Variants in KYNU observed in about 807,000 individuals in gnomAD.
KYNU encodes L-kynurenine hydrolase.
Under a neutral mutation model 59.2 loss-of-function variants are expected in KYNU, and 54 were observed. The ratio of observed to expected loss-of-function variants is 0.91; its 90% confidence interval spans 0.73 to 1.14. The LOEUF is 1.14. Among genes scored for constraint, KYNU ranks in the 50% most tolerant of loss-of-function variants. The pLI is 0.00. For missense variants in KYNU, 567 were observed against 554.4 expected (o/e 1.02, Z -0.23); for synonymous variants, 177 against 192.0 (o/e 0.92, Z 0.65).
chr2:142,925,302 T>G (rs1683014772), intron 3 of KYNU, among the ~76,000 whole-genome samples: 1 of 152,176 alleles, frequency 6.6e-6, no homozygotes, highest in Non-Finnish European at 1.5e-5. Context: ...TAATAATAAC[T>G]AACAATTGCC....
intron 10 of KYNU, among the ~76,000 whole-genome samples, chr2:143,013,621 C>A (rs567633589): frequency 6.6e-6 from 1 of 152,186 alleles, no homozygotes; most frequent in Non-Finnish European, 1.5e-5. Flanking sequence ...GAATTTAATT[C>A]TATCCTGAAC....
At chr2:143,001,052 A>T (rs1685698096) in intron 10 of KYNU, among the ~76,000 whole-genome samples, 1 of 152,178 alleles carries the variant, frequency 6.6e-6, no homozygotes, top group South Asian at 2.1e-4. Context: ...AGTACTGACT[A>T]TGAAAATATC....
intron 4 of KYNU, among the ~76,000 whole-genome samples, chr2:142,940,416 G>A (rs1413445094): frequency 6.6e-6 from 1 of 152,122 alleles, no homozygotes; most frequent in African/African-American, 2.4e-5. Flanking sequence ...ATTTATTTAT[G>A]AAGCCAATAA....
chr2:142,903,386 A>G (rs1028563099), intron 2 of KYNU, among the ~76,000 whole-genome samples: 4 of 152,074 alleles, frequency 2.6e-5, no homozygotes, highest in African/African-American at 9.7e-5. Context: ...CAGGTGTATA[A>G]TGGTCCCTGC....
In KYNU at chr2:142,956,244, TC is replaced by T; in HGVS notation, c.478del (p.Leu160Ter). The part of the protein sequence containing the change: ...KPTPKRYKIL[L>X]EAKAFPSDHY... ...CTACGCCAAAACGATATAAAATTCT[TC>T]TAGAAGCCAAAGCCTTCCCTTCTGA... On this transcript the variant is annotated frameshift_variant, in exon 6 of 14. Transcript: ENST00000264170. LOFTEE classifies it high-confidence loss of function. 2.6e-5 allele frequency: 41 copies of T among 1,604,746 alleles called. No homozygotes were observed. The highest frequency in any genetic ancestry group is 3.5e-5 in the Non-Finnish European group (41 of 1,172,154).
At chr2:142,980,995 T>C (rs1415308399) in intron 8 of KYNU, among the ~76,000 whole-genome samples, 2 of 152,118 alleles carry the variant, frequency 1.3e-5, no homozygotes, top group Non-Finnish European at 2.9e-5. Context: ...AGTGACACTT[T>C]TGTGAAATCA....
Position 142,986,168 on chromosome 2 carries a change from A to G in KYNU, c.902+147A>G, listed in dbSNP as rs1573872327. The G allele has an allele frequency of 1.3e-5, 8 of 632,274 alleles. No individual in the cohort carries two copies. In the South Asian group the frequency reaches 1.5e-4, roughly 12 times the overall value. The allele number at this position is 632,274 out of a possible 1,614,324, so 39.2% of individuals were successfully genotyped here. On this transcript the variant is annotated intron_variant, in intron 10 of 13. Transcript: ENST00000264170. The stretch of plus-strand genomic sequence containing the variant: ...ATTTTCCTACTCTGCTAACAACAAT[A>G]TACTTCATTTGAAATACATGCTTTC...
intron 2 of KYNU, among the ~76,000 whole-genome samples, chr2:142,887,243 A>C (rs12999277): frequency 4.6e-5 from 7 of 152,112 alleles, no homozygotes; most frequent in African/African-American, 1.7e-4. Context: ...CATCAAAACC[A>C]CAGTGAGATA....
chr2:143,005,058 T>C (rs1288192932), intron 10 of KYNU, among the ~76,000 whole-genome samples: 1 of 152,182 alleles, frequency 6.6e-6, no homozygotes, highest in Admixed American at 6.5e-5. Context: ...TCCTGATAAG[T>C]AGGTCATCCA....
chr2:142,938,399 GGAA>G (rs1683466254), intron 4 of KYNU, among the ~76,000 whole-genome samples: 1 of 152,222 alleles, frequency 6.6e-6, no homozygotes, highest in Admixed American at 6.5e-5. Context: ...GCCACGTGGT[GGAA>G]GAAGATTTAT....
chr2:143,004,067 T>G lies in KYNU; in HGVS notation c.902+18046T>G, dbSNP rs576210929. 5.3e-5 allele frequency among the ~76,000 whole-genome samples: 8 copies of G among 152,366 alleles called. No homozygotes were observed. In the South Asian group the frequency reaches 1.7e-3, roughly 32 times the overall value. ...CAGATTACTTAATATGCCTATCATT[T>G]TGACTAATTCATGAAAATGTAACAA... On this transcript the variant is annotated intron_variant, in intron 10 of 13. Transcript: ENST00000264170.
chr2:143,021,114 G>T (rs920854577), intron 10 of KYNU, among the ~76,000 whole-genome samples: 4 of 151,754 alleles, frequency 2.6e-5, no homozygotes, highest in Non-Finnish European at 5.9e-5. Context: ...GTATCCTTTG[G>T]CCATTTTTCT....
chr2:142,920,672 A>T (rs961408150), intron 3 of KYNU, among the ~76,000 whole-genome samples: 1 of 152,224 alleles, frequency 6.6e-6, no homozygotes, highest in Non-Finnish European at 1.5e-5. Flanking sequence ...TAGACAGATG[A>T]TTCAGAAAGG....
At chr2:142,955,139 C>T (rs1684120495) in intron 5 of KYNU, among the ~76,000 whole-genome samples, 1 of 151,944 alleles carries the variant, frequency 6.6e-6, no homozygotes, top group Non-Finnish European at 1.5e-5. Flanking sequence ...AATAGGCAAA[C>T]TACATGCAAG....
intron 8 of KYNU, among the ~76,000 whole-genome samples, chr2:142,978,150 T>G (rs1056511934): frequency 1.3e-5 from 2 of 152,164 alleles, no homozygotes; most frequent in African/African-American, 2.4e-5. Context: ...AATTCCAATA[T>G]CAGAGTTAAC....
intron 10 of KYNU, among the ~76,000 whole-genome samples, chr2:143,006,275 G>A (rs1260592052): frequency 2.0e-5 from 3 of 151,700 alleles, no homozygotes; most frequent in Non-Finnish European, 4.4e-5. Flanking sequence ...TTCCCTTTCC[G>A]AGTCAAAGAA....
chr2:142,987,713 A>G (rs1257215693), intron 10 of KYNU, among the ~76,000 whole-genome samples: 1 of 151,892 alleles, frequency 6.6e-6, no homozygotes, highest in African/African-American at 2.4e-5. Flanking sequence ...TATGTAAAAC[A>G]CTAAGTGTAT....
intron 10 of KYNU, among the ~76,000 whole-genome samples, chr2:143,016,581 C>T (rs1053005227): frequency 1.3e-5 from 2 of 152,118 alleles, no homozygotes. Flanking sequence ...TCCCAGTTTA[C>T]CCCCACTGAT....
chr2:142,996,660 G>T (rs1685554817), intron 10 of KYNU, among the ~76,000 whole-genome samples: 1 of 152,136 alleles, frequency 6.6e-6, no homozygotes, highest in Admixed American at 6.5e-5. Context: ...GCCCTCTTGG[G>T]CAGGGTGATT....
Sources: allele counts gnomAD v4.1 joint callset (sites outside exome capture counted in the v4.1 genomes callset), GRCh38; gene constraint gnomAD v4.1.1; transcripts MANE v1.5; gene names NCBI Gene and HGNC (gene_info 2026-07-23, HGNC 2026-07-21).